CAMTA1: variants seen among roughly 807,000 people sequenced by gnomAD.
CAMTA1 encodes the protein calmodulin binding transcription activator 1.
In CAMTA1, 27 loss-of-function variants were observed where a neutral mutation model predicts 170.9. The observed-to-expected ratio is 0.16, with a 90% CI of 0.12 to 0.22. The LOEUF is 0.22. Among genes scored for constraint, CAMTA1 ranks in the 10% least tolerant of loss-of-function variants. The pLI, the probability that CAMTA1 is intolerant of heterozygous loss-of-function variation, is 1.00. For missense variants in CAMTA1, 1,619 were observed against 2,217.2 expected, an observed-to-expected ratio of 0.73 and a Z score of 5.42; for synonymous variants, 833 against 891.5, an observed-to-expected ratio of 0.93 and a Z score of 1.17.
chr1:7,649,939 T>A (rs2095837657), intron 7 of CAMTA1, among the ~76,000 whole-genome samples: 1 of 152,166 alleles, frequency 6.6e-6, no homozygotes, highest in Non-Finnish European at 1.5e-5. Flanking sequence ...ATTTTCAGCC[T>A]CTCTTTAAAA....
At chr1:6,883,538 T>C (rs1672226137) in intron 3 of CAMTA1, among the ~76,000 whole-genome samples, 1 of 152,002 alleles carries the variant, frequency 6.6e-6, no homozygotes, top group African/African-American at 2.4e-5. Flanking sequence ...GAGTTGAGCA[T>C]TGCGCAGAAG....
At chr1:7,657,949 C>T (rs1405422393) in intron 7 of CAMTA1, among the ~76,000 whole-genome samples, 1 of 152,170 alleles carries the variant, frequency 6.6e-6, no homozygotes, top group Non-Finnish European at 1.5e-5. Context: ...ATGCGGCTGC[C>T]GCACCCCCAT....
intron 2 of CAMTA1, 39 bp from the exon 3 acceptor site, chr1:6,825,053 C>G (rs755971110): frequency 1.7e-6 from 2 of 1,198,620 alleles, no homozygotes; most frequent in Non-Finnish European, 2.4e-6. Flanking sequence ...GAGATTTTAT[C>G]TATTATTTTC....
intron 3 of CAMTA1, among the ~76,000 whole-genome samples, chr1:7,036,213 G>A (rs1703570267): frequency 6.6e-6 from 1 of 152,196 alleles, no homozygotes. Context: ...CAGAAAATAC[G>A]ATTGGTTGGC....
chr1:6,886,004 A>G (rs1050510937), intron 3 of CAMTA1, among the ~76,000 whole-genome samples: 4 of 152,272 alleles, frequency 2.6e-5, no homozygotes, highest in South Asian at 2.1e-4. Context: ...GGCCCTTGCC[A>G]TAGCATATTG....
chr1:7,077,355 T>C (rs1639437718), intron 3 of CAMTA1, among the ~76,000 whole-genome samples: 1 of 151,834 alleles, frequency 6.6e-6, no homozygotes, highest in African/African-American at 2.4e-5. Context: ...TTGATTTCAT[T>C]CTCAGTTTTG....
chr1:7,686,722 C>T (rs1447874622), intron 11 of CAMTA1, among the ~76,000 whole-genome samples: 1 of 152,186 alleles, frequency 6.6e-6, no homozygotes, highest in Non-Finnish European at 1.5e-5. Flanking sequence ...CTCCAGGGCT[C>T]TTGCGTCCGT....
At chr1:7,566,613 A>C (rs926704710) in intron 6 of CAMTA1, among the ~76,000 whole-genome samples, 3 of 152,068 alleles carry the variant, frequency 2.0e-5, no homozygotes, top group Non-Finnish European at 4.4e-5. Context: ...TGCAGATCTC[A>C]AAACCGATGT....
chr1:7,591,993 G>T (rs1262327359), intron 6 of CAMTA1, among the ~76,000 whole-genome samples: 2 of 152,178 alleles, frequency 1.3e-5, no homozygotes, highest in Non-Finnish European at 2.9e-5. Flanking sequence ...CCGCCTTGTG[G>T]GTTCAAGTGA....
chr1:7,375,540 C>T (rs1444665593), intron 5 of CAMTA1, among the ~76,000 whole-genome samples: 1 of 152,140 alleles, frequency 6.6e-6, no homozygotes, highest in African/African-American at 2.4e-5. Flanking sequence ...AAATGCCAGC[C>T]CTGGGACCAA....
intron 5 of CAMTA1, among the ~76,000 whole-genome samples, chr1:7,410,987 TTGTGTATGTGTGTG>T (rs2090690191): frequency 6.6e-6 from 1 of 150,398 alleles, no homozygotes; most frequent in Non-Finnish European, 1.5e-5. Flanking sequence ...GTATATGTGT[TTGTGTATGTGTGTG>T]TATGTCTGTG....
At chr1:7,322,128 A>C (rs1678512272) in intron 5 of CAMTA1, among the ~76,000 whole-genome samples, 1 of 152,162 alleles carries the variant, frequency 6.6e-6, no homozygotes, top group Non-Finnish European at 1.5e-5. Context: ...TGTGGGGGTT[A>C]TCAATTTTTT....
Position 7,067,240 on chromosome 1 carries a change from A to G in CAMTA1, c.235-24064A>G, listed in dbSNP as rs1156807957. Among the ~76,000 whole-genome samples the G allele has an allele frequency of 1.3e-5, 2 of 152,190 alleles. No homozygotes were observed. Among genetic ancestry groups the G allele is most frequent in the Admixed American group, 6.5e-5 (1 of 15,276 alleles). On this transcript the variant is annotated intron_variant, in intron 3 of 22. Transcript: ENST00000303635. The surrounding 1 kb of genome is among the most constrained non-coding windows in gnomAD (Gnocchi z 4.3). ...GGTGGAAGAGTTATCTCTGCTTCCTAGGGACGAAGGCCTCTCCCGGGGCTG... is the reference window on the plus strand; with the variant it reads ...GGTGGAAGAGTTATCTCTGCTTCCTGGGGACGAAGGCCTCTCCCGGGGCTG...
intron 5 of CAMTA1, among the ~76,000 whole-genome samples, chr1:7,278,953 T>C (rs1671118985): frequency 6.6e-6 from 1 of 152,126 alleles, no homozygotes; most frequent in African/African-American, 2.4e-5. Context: ...GAAGTGATGT[T>C]TCACTGAGGT....
At chr1:7,310,774 A>G (rs1250234574) in intron 5 of CAMTA1, among the ~76,000 whole-genome samples, 2 of 145,094 alleles carry the variant, frequency 1.4e-5, no homozygotes, top group Admixed American at 7.0e-5. Flanking sequence ...TCTGTTGCCC[A>G]GGCTGGAGTG....
chr1:7,697,737 T>A (rs2096391788), intron 11 of CAMTA1, among the ~76,000 whole-genome samples: 1 of 152,134 alleles, frequency 6.6e-6, no homozygotes, highest in South Asian at 2.1e-4. Context: ...ACCTGCCAGT[T>A]TTTGGGCTGA....
chr1:7,327,098 A>G (rs1001197906), intron 5 of CAMTA1, among the ~76,000 whole-genome samples: 1 of 152,004 alleles, frequency 6.6e-6, no homozygotes, highest in African/African-American at 2.4e-5. Flanking sequence ...GCGGGGGGGA[A>G]AGTCTGTTGG....
intron 4 of CAMTA1, among the ~76,000 whole-genome samples, chr1:7,231,282 G>A (rs1298081836): frequency 2.0e-5 from 3 of 152,042 alleles, no homozygotes; most frequent in African/African-American, 4.8e-5. Flanking sequence ...TCAGGGGGCC[G>A]TTGCAGGCAC....
At chr1:7,607,468 T>C (rs1165104633) in intron 6 of CAMTA1, among the ~76,000 whole-genome samples, 2 of 151,284 alleles carry the variant, frequency 1.3e-5, no homozygotes, top group Non-Finnish European at 3.0e-5. Context: ...GATGGGTGGA[T>C]GGATGGATGG....
Sources: gnomAD v4.1 joint callset for allele counts (sites outside exome capture counted in the v4.1 genomes callset) on GRCh38, gnomAD v4.1.1 for gene constraint, Gnocchi (gnomAD v3.1) non-coding constraint, MANE v1.5 for transcripts, NCBI Gene and HGNC (gene_info 2026-07-23, HGNC 2026-07-21) for gene names.